CDH18: variants seen among roughly 807,000 people sequenced by gnomAD.
CDH18 encodes cadherin 18, also known as cadherin-18.
Under a neutral mutation model 67.9 loss-of-function variants are expected in CDH18, and 31 were observed. That is an observed-to-expected ratio of 0.46 (90% CI 0.34 to 0.62). CDH18 has a LOEUF of 0.62. Among genes scored for constraint, CDH18 ranks in the 20% least tolerant of loss-of-function variants. CDH18 has a pLI of 0.01. For missense variants in CDH18, 890 were observed against 975.5 expected (o/e 0.91, Z 1.17); for synonymous variants, 362 against 347.2 (o/e 1.04, Z -0.48).
intron 5 of CDH18, among the ~76,000 whole-genome samples, chr5:19,669,555 T>C (rs934380391): frequency 3.3e-5 from 5 of 152,034 alleles, no homozygotes; most frequent in African/African-American, 4.8e-5. Context: ...CCTCCCAAAG[T>C]GCTGGGATTA....
intron 4 of CDH18, among the ~76,000 whole-genome samples, chr5:19,734,418 C>G (rs1294166225): frequency 6.6e-6 from 1 of 151,988 alleles, no homozygotes; most frequent in East Asian, 1.9e-4. Context: ...TGTTTTTGTT[C>G]CCCTGTGATA....
intron 1 of CDH18, among the ~76,000 whole-genome samples, chr5:20,395,534 C>T (rs1487985489): frequency 6.6e-6 from 1 of 151,984 alleles, no homozygotes; most frequent in Non-Finnish European, 1.5e-5. Flanking sequence ...GATTTTACCA[C>T]GATACAATTT....
At chr5:20,412,931 T>C (rs1046204988) in intron 1 of CDH18, among the ~76,000 whole-genome samples, 3 of 152,204 alleles carry the variant, frequency 2.0e-5, no homozygotes, top group Non-Finnish European at 2.9e-5. Context: ...TCATTTACAT[T>C]AGGTATTTCT....
At chr5:20,389,869 C>T (rs1414921586) in intron 1 of CDH18, among the ~76,000 whole-genome samples, 1 of 151,964 alleles carries the variant, frequency 6.6e-6, no homozygotes, top group South Asian at 2.1e-4. Flanking sequence ...ACAAAGCTGA[C>T]AAAAACAAGA....
At chr5:19,937,026 G>A (rs1220219737) in intron 2 of CDH18, among the ~76,000 whole-genome samples, 2 of 151,160 alleles carry the variant, frequency 1.3e-5, no homozygotes, top group African/African-American at 4.8e-5. Flanking sequence ...ACACTCATAT[G>A]TTACTATAAA....
intron 2 of CDH18, among the ~76,000 whole-genome samples, chr5:20,139,231 A>G (rs529928507): frequency 6.0e-4 from 91 of 152,320 alleles, no homozygotes; most frequent in African/African-American, 1.9e-3. Context: ...TTCCCTATGT[A>G]ATAAATGGTG....
At chr5:19,980,103 G>T (rs867963502) in intron 2 of CDH18, among the ~76,000 whole-genome samples, 1 of 152,072 alleles carries the variant, frequency 6.6e-6, no homozygotes, top group South Asian at 2.1e-4. Flanking sequence ...ATATAATTCA[G>T]AAAAGTTCCA....
In CDH18 at chr5:20,455,524, A is replaced by G. The variant is rs191646119; in HGVS notation, c.-580+119938T>C. ...AGCCTAAATCCTTAATAGAATGAGA[A>G]GAGGGGATAGACGCTAAGATAATGC... On this transcript the variant is annotated intron_variant, in intron 1 of 14. Coordinates refer to the CDH18 transcript ENST00000507958. Among the ~76,000 whole-genome samples, 828 of 152,258 alleles carry G rather than the reference A, an allele frequency of 5.4e-3. 7 individuals carry two copies. The highest frequency in any genetic ancestry group is 9.0e-3 in the Non-Finnish European group (613 of 68,006).
chr5:20,540,147 G>T (rs960167601), intron 1 of CDH18, among the ~76,000 whole-genome samples: 1 of 152,080 alleles, frequency 6.6e-6, no homozygotes, highest in Non-Finnish European at 1.5e-5. Flanking sequence ...GGCTACAAAT[G>T]CCTCAATGTT....
At chr5:19,772,279 T>C (rs1300727152) in intron 3 of CDH18, among the ~76,000 whole-genome samples, 1 of 152,150 alleles carries the variant, frequency 6.6e-6, no homozygotes, top group Non-Finnish European at 1.5e-5. Flanking sequence ...GAATAGGCTT[T>C]GCTGATGTGA....
intron 3 of CDH18, among the ~76,000 whole-genome samples, chr5:19,830,797 A>G (rs996379672): frequency 6.6e-6 from 1 of 152,158 alleles, no homozygotes; most frequent in Non-Finnish European, 1.5e-5. Flanking sequence ...AATGCCCATT[A>G]AGAGTATCCT....
chr5:19,888,832 C>T lies in CDH18; in HGVS notation c.-256-49590G>A, dbSNP rs192691790. Among the ~76,000 whole-genome samples, 7 of 152,060 alleles carry T rather than the reference C, an allele frequency of 4.6e-5. No homozygotes were observed. The East Asian group carries it at 1.2e-3, about 25-fold the overall frequency. ...ACATTTTTTTACTTGTTGTTGATTTCCAGAAGAATGTTTTAATTATTTTTG... is the reference window on the plus strand; with the variant it reads ...ACATTTTTTTACTTGTTGTTGATTTTCAGAAGAATGTTTTAATTATTTTTG... On this transcript the variant is annotated intron_variant, in intron 2 of 12. Coordinates refer to ENST00000382275, the MANE Select transcript of CDH18 (RefSeq NM_004934.5).
intron 11 of CDH18, among the ~76,000 whole-genome samples, chr5:19,500,389 G>T (rs901831951): frequency 6.6e-6 from 1 of 151,996 alleles, no homozygotes. Context: ...ATCTACCAAG[G>T]GTACTAAGCC....
At position 19,571,614 on chromosome 5, in the gene CDH18, C is replaced by T; in HGVS notation, c.1218G>A (p.Leu406=). 1 of 1,613,896 alleles carries T rather than the reference C, an allele frequency of 6.2e-7. No individual in the cohort carries two copies. Among genetic ancestry groups the T allele is most frequent in the Non-Finnish European group, 8.5e-7 (1 of 1,179,906 alleles). Residue 406 remains leucine (L), a synonymous_variant, in exon 8 of 13, where the codon TTG becomes TTA. Transcript: ENST00000382275. ...AKIGTVVGTV[L]AQDPDSTNSL... is the part of the protein sequence containing the mutation. The stretch of plus-strand genomic sequence containing the variant: ...TGTTAGTACTGTCAGGATCTTGTGC[C>T]AAAACTGTACCAACGACGGTCCCAA...
At chr5:20,274,202 CTT>C (rs1745640300) in intron 1 of CDH18, among the ~76,000 whole-genome samples, 1 of 152,122 alleles carries the variant, frequency 6.6e-6, no homozygotes, top group Non-Finnish European at 1.5e-5. Context: ...TAAATTTGAA[CTT>C]CTAGCCTCCA....
At chr5:19,914,945 T>C (rs1791587623) in intron 2 of CDH18, among the ~76,000 whole-genome samples, 2 of 152,146 alleles carry the variant, frequency 1.3e-5, no homozygotes, top group Admixed American at 6.6e-5. Flanking sequence ...TTCCAACTAC[T>C]AACCTTAATT....
intron 11 of CDH18, among the ~76,000 whole-genome samples, chr5:19,499,530 C>G (rs1354195653): frequency 6.6e-6 from 1 of 151,904 alleles, no homozygotes; most frequent in Non-Finnish European, 1.5e-5. Context: ...TATGTCAAAA[C>G]TATAATTTTA....
chr5:19,858,736 T>C (rs1252309313), intron 2 of CDH18, among the ~76,000 whole-genome samples: 1 of 152,200 alleles, frequency 6.6e-6, no homozygotes, highest in Non-Finnish European at 1.5e-5. Flanking sequence ...CTCATTTATT[T>C]GATCTAAAAT....
chr5:19,751,711 G>C (rs1770868327), intron 3 of CDH18, among the ~76,000 whole-genome samples: 1 of 152,070 alleles, frequency 6.6e-6, no homozygotes, highest in African/African-American at 2.4e-5. Context: ...TAGTCTCTGT[G>C]AAAAAGGGAC....
Sources: gnomAD v4.1 joint callset for allele counts (sites outside exome capture counted in the v4.1 genomes callset) on GRCh38, gnomAD v4.1.1 for gene constraint, MANE v1.5 for transcripts, NCBI Gene and HGNC (gene_info 2026-07-23, HGNC 2026-07-21) for gene names.